The following ARHGAP28 variants were observed in gnomAD, a reference collection of about 807,000 sequenced individuals.
ARHGAP28 encodes Rho GTPase activating protein 28.
In ARHGAP28, 56 loss-of-function variants were observed where a neutral mutation model predicts 90.7. The observed-to-expected ratio is 0.62, with a 90% CI of 0.50 to 0.77. The LOEUF (loss-of-function observed/expected upper bound fraction) is 0.77, where lower values mean the gene tolerates loss of function less well. Among genes scored for constraint, ARHGAP28 ranks in the 30% least tolerant of loss-of-function variants. ARHGAP28 has a pLI of 0.00. For synonymous variants in ARHGAP28, 308 were observed against 323.3 expected (o/e 0.95, Z 0.51); for missense variants, 869 against 900.9 (o/e 0.96, Z 0.45).
intron 1 of ARHGAP28, among the ~76,000 whole-genome samples, chr18:6,820,982 G>A (rs570560763): frequency 3.3e-5 from 5 of 152,060 alleles, no homozygotes; most frequent in Non-Finnish European, 7.4e-5. Flanking sequence ...CTCTAGAAAA[G>A]ATAAATTTAA....
chr18:6,909,972 T>G (rs1439633924), intron 17 of ARHGAP28, among the ~76,000 whole-genome samples: 1 of 152,148 alleles, frequency 6.6e-6, no homozygotes, highest in African/African-American at 2.4e-5. Context: ...TCACCCCCCT[T>G]TAAGTCTACT....
At chr18:6,904,766 A>G (rs924579383) in intron 16 of ARHGAP28, among the ~76,000 whole-genome samples, 28 of 152,192 alleles carry the variant, frequency 1.8e-4, no homozygotes, top group African/African-American at 5.8e-4. Flanking sequence ...TAGTACTTCC[A>G]TTAAAGGGAT....
At chr18:6,829,399 A>C (rs1313866158) in intron 2 of ARHGAP28, among the ~76,000 whole-genome samples, 1 of 152,148 alleles carries the variant, frequency 6.6e-6, no homozygotes, top group African/African-American at 2.4e-5. Flanking sequence ...TCTGTACTTT[A>C]TATTTACTCA....
intron 1 of ARHGAP28, among the ~76,000 whole-genome samples, chr18:6,751,429 T>C (rs939183834): frequency 3.3e-5 from 5 of 152,164 alleles, no homozygotes; most frequent in Admixed American, 1.3e-4. Context: ...AGGCCATCGC[T>C]CTTCTTGGAG....
At chr18:6,854,230 G>A (rs541362001) in intron 4 of ARHGAP28, among the ~76,000 whole-genome samples, 7 of 151,948 alleles carry the variant, frequency 4.6e-5, no homozygotes, top group African/African-American at 9.7e-5. Context: ...CACCCTTAGC[G>A]TGACCGTATG....
chr18:6,859,779 A>G, intron 4 of ARHGAP28, 29 bp from the exon 5 acceptor site: 2 of 1,601,396 alleles, frequency 1.2e-6, no homozygotes, highest in Non-Finnish European at 1.7e-6. Context: ...TTGCCTGAAT[A>G]AGAATGGTAC....
chr18:6,730,305 C>T (rs996870697), intron 1 of ARHGAP28, among the ~76,000 whole-genome samples: 5 of 150,528 alleles, frequency 3.3e-5, no homozygotes, highest in African/African-American at 9.9e-5. Context: ...GAAACACAAG[C>T]AGCACATGAA....
intron 15 of ARHGAP28, among the ~76,000 whole-genome samples, chr18:6,896,064 G>A (rs1009183536): frequency 2.6e-5 from 4 of 152,150 alleles, no homozygotes; most frequent in Admixed American, 2.0e-4. Context: ...AGCCATTCAT[G>A]GCTGCTAACT....
rs2057379117 is a variant in ARHGAP28 at position 6,908,955 on chromosome 18, T to C, written c.2031-5T>C. The C allele has an allele frequency of 1.3e-6, 2 of 1,502,572 alleles. No individual in the cohort carries two copies. The highest frequency in any genetic ancestry group is 1.4e-5 in the African/African-American group (1 of 71,396). 93.1% of individuals were successfully genotyped at this position (1,502,572 alleles called of 1,614,324 possible). ...AAAATTATATTATTTTCTCATTTTT[T>C]TCAGTCATGGTTCATCAGAATGTAT... On this transcript the variant is annotated splice_region_variant and splice_polypyrimidine_tract_variant and intron_variant, in intron 16 of 17. Coordinates refer to ENST00000383472, the MANE Select transcript of ARHGAP28 (RefSeq NM_001366230.1).
chr18:6,903,510 A>C (rs1163342285), intron 16 of ARHGAP28, among the ~76,000 whole-genome samples: 1 of 152,170 alleles, frequency 6.6e-6, no homozygotes, highest in Non-Finnish European at 1.5e-5. Context: ...CAATATACTC[A>C]AAAATTCTGT....
intron 1 of ARHGAP28, among the ~76,000 whole-genome samples, chr18:6,807,612 A>C (rs1334148941): frequency 6.6e-6 from 1 of 152,180 alleles, no homozygotes; most frequent in Non-Finnish European, 1.5e-5. Context: ...TTTCCACTTA[A>C]GCTGCTGAGA....
chr18:6,744,754 A>T (rs1340812690), intron 1 of ARHGAP28, among the ~76,000 whole-genome samples: 1 of 152,190 alleles, frequency 6.6e-6, no homozygotes, highest in Non-Finnish European at 1.5e-5. Context: ...TAGCCTGTCC[A>T]ATAAGCTGAA....
chr18:6,898,654 G>A (rs1424541225), intron 16 of ARHGAP28: 5 of 1,490,346 alleles, frequency 3.4e-6, no homozygotes, highest in Non-Finnish European at 4.5e-6. Context: ...CTACAAAACT[G>A]ACTTTGTACT....
At position 6,817,587 on chromosome 18, in the gene ARHGAP28, T is replaced by C. The variant is rs75102013; in HGVS notation, c.123-7175T>C. Among the ~76,000 whole-genome samples, 876 of 152,308 alleles carry C rather than the reference T, an allele frequency of 5.8e-3. 4 individuals are homozygous for C. Among genetic ancestry groups the C allele is most frequent in the Non-Finnish European group, 0.01 (691 of 68,018 alleles). ...TTTTAAAAATAGGCATTTATTTTTC[T>C]CACATTTCTGGAAGTCCAGAGATAG... On this transcript the variant is annotated intron_variant, in intron 1 of 17. Transcript: ENST00000383472.
chr18:6,870,465 C>T (rs978087719), intron 6 of ARHGAP28, 125 bp from the exon 7 acceptor site: 24 of 963,554 alleles, frequency 2.5e-5, no homozygotes, highest in African/African-American at 1.0e-4. Context: ...TGCTTTTCCT[C>T]GCATATAAAC....
At chr18:6,812,405 T>TGAAATGAAA (rs1430617618) in intron 1 of ARHGAP28, among the ~76,000 whole-genome samples, 1 of 152,196 alleles carries the variant, frequency 6.6e-6, no homozygotes, top group African/African-American at 2.4e-5. Flanking sequence ...TCAACAGATT[T>TGAAATGAAA]GCTCACAAAA....
intron 16 of ARHGAP28, 36 bp downstream of exon 16, chr18:6,896,662 G>C: frequency 6.2e-7 from 1 of 1,608,302 alleles, no homozygotes; most frequent in East Asian, 2.2e-5. Flanking sequence ...TGCACAAGAA[G>C]GAAAAACCTT....
At chr18:6,841,222 T>TCCC (rs1297178106) in intron 3 of ARHGAP28, among the ~76,000 whole-genome samples, 6 of 100,106 alleles carry the variant, frequency 6.0e-5, no homozygotes, top group Non-Finnish European at 9.8e-5. Flanking sequence ...TCTCTCTCTC[T>TCCC]CCCCCCAACC....
intron 5 of ARHGAP28, among the ~76,000 whole-genome samples, chr18:6,867,798 A>G (rs1339651521): frequency 6.6e-6 from 1 of 152,236 alleles, no homozygotes. Context: ...GACATCAGGC[A>G]TCATAATTTC....
Sources: gnomAD v4.1 joint callset for allele counts (sites outside exome capture counted in the v4.1 genomes callset) on GRCh38, gnomAD v4.1.1 for gene constraint, MANE v1.5 for transcripts, NCBI Gene and HGNC (gene_info 2026-07-23, HGNC 2026-07-21) for gene names.